Variants in GULP1 observed in about 807,000 individuals in gnomAD.
GULP1 encodes PTB domain-containing engulfment adapter protein 1.
A neutral mutation model predicts 40.9 loss-of-function variants in GULP1; 19 were observed. The ratio of observed to expected loss-of-function variants is 0.46; its 90% confidence interval spans 0.32 to 0.68. GULP1 has a LOEUF of 0.68. Among genes scored for constraint, GULP1 ranks in the 30% least tolerant of loss-of-function variants. The pLI, the probability that GULP1 is intolerant of heterozygous loss-of-function variation, is 0.03. For synonymous variants in GULP1, 119 were observed against 117.6 expected (o/e 1.01, Z -0.08); for missense variants, 312 against 362.2 (o/e 0.86, Z 1.12).
intron 1 of GULP1, among the ~76,000 whole-genome samples, chr2:188,365,843 G>T (rs1157383386): frequency 2.0e-5 from 3 of 152,150 alleles, no homozygotes; most frequent in Non-Finnish European, 2.9e-5. Context: ...TGAAGTGGGC[G>T]ATATGGTATA....
At chr2:188,464,471 T>G (rs764677181) in intron 2 of GULP1, among the ~76,000 whole-genome samples, 5 of 152,182 alleles carry the variant, frequency 3.3e-5, no homozygotes, top group Non-Finnish European at 7.4e-5. Context: ...AGCACAGCAC[T>G]GGTTCTCACC....
intron 7 of GULP1, chr2:188,541,763 T>C (rs1409827253): frequency 5.0e-6 from 1 of 198,130 alleles, no homozygotes; most frequent in East Asian, 1.3e-4. Flanking sequence ...ATCTATATGG[T>C]TCCTTAAAAG....
At chr2:188,479,349 C>T (rs959109081) in intron 3 of GULP1, among the ~76,000 whole-genome samples, 5 of 152,160 alleles carry the variant, frequency 3.3e-5, no homozygotes, top group African/African-American at 1.2e-4. Flanking sequence ...TCTGTAGCTG[C>T]TTCTGATTTA....
intron 4 of GULP1, among the ~76,000 whole-genome samples, chr2:188,498,465 C>G (rs1248587411): frequency 6.6e-6 from 1 of 151,852 alleles, no homozygotes; most frequent in Non-Finnish European, 1.5e-5. Flanking sequence ...TCAATAAACA[C>G]TAAACAATTA....
chr2:188,294,988 T>C (rs975481886), intron 1 of GULP1, among the ~76,000 whole-genome samples: 1 of 152,200 alleles, frequency 6.6e-6, no homozygotes, highest in Non-Finnish European at 1.5e-5. Flanking sequence ...AATTTAATCA[T>C]ACATTTTAAT....
At chr2:188,323,909 CAGCAAGATACT>C (rs2040390864) in intron 1 of GULP1, among the ~76,000 whole-genome samples, 1 of 151,698 alleles carries the variant, frequency 6.6e-6, no homozygotes, top group Non-Finnish European at 1.5e-5. Flanking sequence ...ACCTTCTGGG[CAGCAAGATACT>C]AGACAAGAAA....
At chr2:188,365,195 C>T (rs896357764) in intron 1 of GULP1, among the ~76,000 whole-genome samples, 12 of 152,264 alleles carry the variant, frequency 7.9e-5, no homozygotes, top group African/African-American at 2.9e-4. Flanking sequence ...TCTGCCTTGC[C>T]AGCTGTGTGC....
intron 1 of GULP1, among the ~76,000 whole-genome samples, chr2:188,328,243 T>C (rs908310740): frequency 6.6e-6 from 1 of 152,166 alleles, no homozygotes; most frequent in Non-Finnish European, 1.5e-5. Flanking sequence ...AGAAACCTTA[T>C]AGCAACTTAA....
At chr2:188,435,743 A>C (rs1030075177) in intron 2 of GULP1, among the ~76,000 whole-genome samples, 6 of 152,032 alleles carry the variant, frequency 3.9e-5, no homozygotes, top group African/African-American at 9.7e-5. Context: ...ATTTCCTTGC[A>C]TGCAGCTGCA....
chr2:188,505,163 C>T (rs2063783564), intron 4 of GULP1, among the ~76,000 whole-genome samples: 1 of 151,712 alleles, frequency 6.6e-6, no homozygotes, highest in South Asian at 2.1e-4. Context: ...TCTTCTGAAC[C>T]TTATTGCTGC....
intron 1 of GULP1, among the ~76,000 whole-genome samples, chr2:188,347,684 G>C (rs13402240): frequency 0.023 from 3,373 of 149,434 alleles, 135 homozygotes; most frequent in African/African-American, 0.079. Flanking sequence ...TGTGATCATG[G>C]CTCACTGCAA....
At chr2:188,454,517 A>G (rs1257244473) in intron 2 of GULP1, among the ~76,000 whole-genome samples, 2 of 152,226 alleles carry the variant, frequency 1.3e-5, no homozygotes, top group Admixed American at 1.3e-4. Context: ...ATCTGGTCCA[A>G]GGATTTACCC....
intron 3 of GULP1, among the ~76,000 whole-genome samples, chr2:188,480,924 A>G (rs1229773252): frequency 3.3e-5 from 5 of 151,932 alleles, no homozygotes; most frequent in Non-Finnish European, 5.9e-5. Context: ...AAATGTATCT[A>G]TTCATTAACC....
chr2:188,317,470 A>G (rs566940583), intron 1 of GULP1, among the ~76,000 whole-genome samples: 12 of 152,256 alleles, frequency 7.9e-5, no homozygotes, highest in African/African-American at 2.6e-4. Flanking sequence ...TTTAATAATA[A>G]CCTGATTTGC....
chr2:188,490,260 A>AT (rs1395229463), intron 4 of GULP1, among the ~76,000 whole-genome samples: 21 of 152,132 alleles, frequency 1.4e-4, no homozygotes, highest in Non-Finnish European at 2.6e-4. Context: ...ACACAGGAAG[A>AT]TAGTAGCAAA....
chr2:188,505,790 T>C (rs1282878235), intron 4 of GULP1, among the ~76,000 whole-genome samples: 4 of 151,894 alleles, frequency 2.6e-5, no homozygotes, highest in African/African-American at 9.7e-5. Context: ...ATTGAAATAA[T>C]TTATGATATA....
chr2:188,380,258 G>A (rs984867270), intron 1 of GULP1, among the ~76,000 whole-genome samples: 3 of 152,026 alleles, frequency 2.0e-5, no homozygotes, highest in African/African-American at 7.2e-5. Context: ...TTGGAACATG[G>A]GGTGAAAACA....
chr2:188,383,021 A>C (rs574919554), intron 1 of GULP1, among the ~76,000 whole-genome samples: 1 of 152,282 alleles, frequency 6.6e-6, no homozygotes, highest in East Asian at 1.9e-4. Context: ...AGCAGGGCAC[A>C]AGACTTAGAT....
chr2:188,328,651 A>G (rs940403326), intron 1 of GULP1, among the ~76,000 whole-genome samples: 2 of 152,128 alleles, frequency 1.3e-5, no homozygotes, highest in African/African-American at 2.4e-5. Context: ...AGAAGCTGTA[A>G]CAGAATAAGT....
Sources: allele counts gnomAD v4.1 joint callset (sites outside exome capture counted in the v4.1 genomes callset), GRCh38; gene constraint gnomAD v4.1.1; transcripts MANE v1.5; gene names NCBI Gene and HGNC (gene_info 2026-07-23, HGNC 2026-07-21).